TTLL9: variants seen among roughly 807,000 people sequenced by gnomAD.
TTLL9 encodes probable tubulin polyglutamylase TTLL9.
In TTLL9, 47 loss-of-function variants were observed where a neutral mutation model predicts 65.6. That is an observed-to-expected ratio of 0.72 (90% CI 0.57 to 0.91). TTLL9 has a LOEUF of 0.91. Ranked by LOEUF, TTLL9 falls within the 40% of genes least tolerant of loss-of-function variation. The probability of loss-of-function intolerance (pLI) is 0.00; values close to 1 mark genes in which losing one functional copy is unlikely to be tolerated. For missense variants in TTLL9, 537 were observed against 568.8 expected (o/e 0.94, Z 0.57); for synonymous variants, 179 against 204.8 (o/e 0.87, Z 1.07).
At chr20:31,913,180 A>T (rs2063682867) in intron 6 of TTLL9, among the ~76,000 whole-genome samples, 1 of 152,102 alleles carries the variant, frequency 6.6e-6, no homozygotes, top group African/African-American at 2.4e-5. Flanking sequence ...ATAATTGTAG[A>T]TGTTAATCAC....
chr20:31,943,936 A>T lies in TTLL9; in HGVS notation c.*915A>T. On this transcript the variant is annotated 3_prime_UTR_variant, in exon 15 of 15. Transcript: ENST00000535842. ...CAACAAGACTCGGGGCTGTTGGGGTAACTGTTCCAGGGGGGACTTACTCCC... is the reference window on the plus strand; with the variant it reads ...CAACAAGACTCGGGGCTGTTGGGGTTACTGTTCCAGGGGGGACTTACTCCC... 2.3e-6 allele frequency: 1 copy of T among 426,186 alleles called. No homozygotes were observed. The highest frequency in any genetic ancestry group is 4.7e-6 in the Non-Finnish European group (1 of 211,558). The allele number at this position is 426,186 out of a possible 1,614,324, so 26.4% of individuals were successfully genotyped here.
In TTLL9 at chr20:31,919,847, C is replaced by A. The variant is rs771467256; in HGVS notation, c.505-17C>A. The A allele has an allele frequency of 6.3e-7, 1 of 1,579,256 alleles. No individual in the cohort carries two copies. The highest frequency in any genetic ancestry group is 8.6e-7 in the Non-Finnish European group (1 of 1,163,844). On this transcript the variant is annotated splice_polypyrimidine_tract_variant and intron_variant, in intron 6 of 14. Coordinates refer to ENST00000535842, the MANE Select transcript of TTLL9 (RefSeq NM_001008409.5). ...CGCAGAGCTAAGAGCTGGCTTTCTG[C>A]CCCCATCCCACCCCAGGTAGCCCGG... is the stretch of plus-strand genomic sequence containing the variant.
chr20:31,876,800 C>T (rs1568728157), intron 2 of TTLL9, among the ~76,000 whole-genome samples: 1 of 152,202 alleles, frequency 6.6e-6, no homozygotes, highest in Non-Finnish European at 1.5e-5. Context: ...TCACTAACAT[C>T]TGACCTCATG....
At chr20:31,933,700 G>T (rs1315712101) in intron 10 of TTLL9, 100 bp from the exon 11 acceptor site, 1 of 1,135,722 alleles carries the variant, frequency 8.8e-7, no homozygotes. Context: ...GAGCTATTTC[G>T]TAGCCTTCCC....
At chr20:31,885,889 GT>G (rs1261215316) in intron 2 of TTLL9, among the ~76,000 whole-genome samples, 1 of 152,230 alleles carries the variant, frequency 6.6e-6, no homozygotes, top group East Asian at 1.9e-4. Context: ...CGTGCTCCAT[GT>G]GGCCTGGAGG....
chr20:31,939,653 T>G (rs140468234), intron 14 of TTLL9: 2 of 157,976 alleles, frequency 1.3e-5, no homozygotes, highest in African/African-American at 4.8e-5. Context: ...TCTTTTCCCC[T>G]TGGCATTTTT....
chr20:31,934,688 C>T lies in TTLL9; in HGVS notation c.808-4C>T. The stretch of plus-strand genomic sequence containing the variant: ...CTCTCTCGACCCGGCTGCCCGGGGC[C>T]CAGGGCTGCAAGTGGACGCTGCAGC... On this transcript the variant is annotated splice_polypyrimidine_tract_variant and splice_region_variant and intron_variant, in intron 11 of 14. Coordinates refer to ENST00000535842, the MANE Select transcript of TTLL9 (RefSeq NM_001008409.5). 11 of 1,608,234 alleles carry T rather than the reference C, an allele frequency of 6.8e-6. No homozygotes were observed. The highest frequency in any genetic ancestry group is 9.3e-6 in the Non-Finnish European group (11 of 1,177,826).
intron 4 of TTLL9, among the ~76,000 whole-genome samples, chr20:31,900,435 G>T (rs2063461719): frequency 6.6e-6 from 1 of 152,128 alleles, no homozygotes; most frequent in South Asian, 2.1e-4. Flanking sequence ...ATCTTATAGT[G>T]GCTTCTCAGT....
chr20:31,928,271 AT>A (rs542588049), intron 10 of TTLL9, among the ~76,000 whole-genome samples: 570 of 152,072 alleles, frequency 3.7e-3, no homozygotes, highest in Non-Finnish European at 6.3e-3. Context: ...GTAAATACAC[AT>A]TTTCCACCCC....
chr20:31,880,780 C>T (rs1039380518), intron 2 of TTLL9, among the ~76,000 whole-genome samples: 1 of 152,038 alleles, frequency 6.6e-6, no homozygotes, highest in Non-Finnish European at 1.5e-5. Context: ...AGCCACTGCG[C>T]CCAGCCTCCA....
intron 13 of TTLL9, chr20:31,938,307 A>C: frequency 2.3e-6 from 1 of 428,320 alleles, no homozygotes; most frequent in South Asian, 1.7e-5. Context: ...GGTCAACCCC[A>C]TGTGAGCCAT....
intron 6 of TTLL9, among the ~76,000 whole-genome samples, chr20:31,918,015 G>A (rs1279856126): frequency 1.3e-5 from 2 of 151,978 alleles, no homozygotes; most frequent in African/African-American, 2.4e-5. Flanking sequence ...CATATCCCCC[G>A]GGTTGCTTTT....
chr20:31,941,359 G>A (rs2064206117), intron 14 of TTLL9: 1 of 152,072 alleles, frequency 6.6e-6, no homozygotes, highest in African/African-American at 2.4e-5. Context: ...AGATATCAAT[G>A]CGCTACTTCC....
intron 3 of TTLL9, among the ~76,000 whole-genome samples, chr20:31,893,299 T>C (rs1248842152): frequency 6.6e-6 from 1 of 150,542 alleles, no homozygotes; most frequent in Non-Finnish European, 1.5e-5. Context: ...TTCTTTTTTT[T>C]TTTTTTTTTG....
chr20:31,930,435 C>A (rs575517272), intron 10 of TTLL9, among the ~76,000 whole-genome samples: 33 of 152,330 alleles, frequency 2.2e-4, no homozygotes, highest in Middle Eastern at 3.4e-3. Flanking sequence ...AATTATATAT[C>A]TTCTATTACT....
intron 14 of TTLL9, chr20:31,941,327 T>G (rs1015529993): frequency 6.6e-6 from 1 of 152,016 alleles, no homozygotes; most frequent in Non-Finnish European, 1.5e-5. Flanking sequence ...TGTTGCAGCC[T>G]TCTTTGCCAA....
chr20:31,919,988 G>GA, intron 7 of TTLL9, 56 bp downstream of exon 7: 1 of 1,435,214 alleles, frequency 7.0e-7, no homozygotes, highest in Non-Finnish European at 9.3e-7. Flanking sequence ...TTGCCAGCAG[G>GA]AGGGGCCACT....
chr20:31,887,455 T>C (rs1174383077), intron 3 of TTLL9, among the ~76,000 whole-genome samples: 4 of 152,184 alleles, frequency 2.6e-5, no homozygotes. Context: ...CCACAACCAT[T>C]TGAAGTAGAT....
At chr20:31,937,326 C>A in intron 12 of TTLL9, 70 bp from the exon 13 acceptor site, 1 of 1,057,006 alleles carries the variant, frequency 9.5e-7, no homozygotes, top group South Asian at 1.3e-5. Context: ...TCCATCTAGC[C>A]TCTCAGTGAA....
Sources: allele counts gnomAD v4.1 joint callset (sites outside exome capture counted in the v4.1 genomes callset), GRCh38; gene constraint gnomAD v4.1.1; transcripts MANE v1.5; gene names NCBI Gene and HGNC (gene_info 2026-07-23, HGNC 2026-07-21).